Variants in ERMP1 observed in about 807,000 individuals in gnomAD.
ERMP1 encodes the protein endoplasmic reticulum metallopeptidase 1.
Under a neutral mutation model 92.0 loss-of-function variants are expected in ERMP1, and 86 were observed. That is an observed-to-expected ratio of 0.93 (90% CI 0.79 to 1.12). ERMP1 has a LOEUF of 1.12. ERMP1 is among the 50% of genes most tolerant of loss of function. The pLI is 0.00. For synonymous variants in ERMP1, 530 were observed against 412.8 expected (o/e 1.28, Z -3.44); for missense variants, 1,342 against 1,116.3 (o/e 1.20, Z -2.88).
At chr9:5,841,828 G>A (rs760498125) in intron 6 of ERMP1, among the ~76,000 whole-genome samples, 16 of 152,002 alleles carry the variant, frequency 1.1e-4, no homozygotes, top group Admixed American at 7.2e-4. Flanking sequence ...GGACCCTCGC[G>A]GTGAGTGTGA....
At chr9:5,808,077 G>C (rs1415140890) in intron 8 of ERMP1, among the ~76,000 whole-genome samples, 1 of 151,932 alleles carries the variant, frequency 6.6e-6, no homozygotes, top group East Asian at 1.9e-4. Context: ...TTCCTGCCTT[G>C]GCCTCCCAAT....
At chr9:5,823,172 C>A (rs1301578819) in intron 4 of ERMP1, among the ~76,000 whole-genome samples, 1 of 152,022 alleles carries the variant, frequency 6.6e-6, no homozygotes, top group Non-Finnish European at 1.5e-5. Flanking sequence ...GCAGTCCCAG[C>A]AACTCAGGAA....
upstream of ERMP1, among the ~76,000 whole-genome samples, chr9:5,837,708 G>C (rs149725156): frequency 1.8e-3 from 267 of 152,252 alleles, no homozygotes; most frequent in African/African-American, 6.1e-3. Context: ...ACAAAAATCG[G>C]TAAGAAAAAT....
chr9:5,854,037 G>A (rs1365217339), intron 6 of ERMP1, among the ~76,000 whole-genome samples: 1 of 151,956 alleles, frequency 6.6e-6, no homozygotes. Flanking sequence ...AGTTAGACCT[G>A]GAGCTTATAT....
chr9:5,791,300 A>G lies in ERMP1; in HGVS notation c.2387-3707T>C, dbSNP rs368515791. The G allele has an allele frequency of 1.6e-4, 71 of 456,536 alleles. 1 individual carries two copies. In the East Asian group the frequency reaches 3.2e-3, roughly 21 times the overall value. The allele number at this position is 456,536 out of a possible 1,614,324, so 28.3% of individuals were successfully genotyped here. On this transcript the variant is annotated intron_variant, in intron 13 of 14. Transcript: ENST00000339450. ...CAGGCAGGCTGAAGAAAAAAGTCAC[A>G]GTATGAGACTGAAGGCAGTCTGCTA...
chr9:5,801,045 C>A, intron 11 of ERMP1, 131 bp downstream of exon 11: 1 of 834,822 alleles, frequency 1.2e-6, no homozygotes, highest in Non-Finnish European at 1.8e-6. Flanking sequence ...CTGCCTTACA[C>A]ACAAAAAAGG....
intron 5 of ERMP1, among the ~76,000 whole-genome samples, chr9:5,863,128 G>C (rs1432348049): frequency 1.3e-5 from 2 of 152,142 alleles, no homozygotes; most frequent in East Asian, 1.9e-4. Context: ...ATAGGGAAAG[G>C]ACAAAGACCC....
chr9:5,806,811 C>T lies in ERMP1; in HGVS notation c.1549-1026G>A, dbSNP rs146446060. The stretch of plus-strand genomic sequence containing the variant: ...CACACAAACATGAAAGTTTTAATTA[C>T]GGTGCATAAATACAAAGATGGAAAT... On this transcript the variant is annotated intron_variant, in intron 8 of 14. Coordinates refer to ENST00000339450, the MANE Select transcript of ERMP1 (RefSeq NM_024896.3). Among the ~76,000 whole-genome samples the T allele has an allele frequency of 8.5e-4, 129 of 152,112 alleles. 1 individual carries two copies. Among genetic ancestry groups the T allele is most frequent in the African/African-American group, 3.0e-3 (124 of 41,496 alleles).
intron 6 of ERMP1, among the ~76,000 whole-genome samples, chr9:5,846,403 G>C (rs913913965): frequency 6.6e-6 from 1 of 152,164 alleles, no homozygotes; most frequent in African/African-American, 2.4e-5. Context: ...CTCTGAGGCT[G>C]TTTCCTCATC....
intron 5 of ERMP1, among the ~76,000 whole-genome samples, chr9:5,866,324 TC>T (rs1830660002): frequency 6.6e-6 from 1 of 152,146 alleles, no homozygotes; most frequent in Non-Finnish European, 1.5e-5. Context: ...ACCAATATTA[TC>T]CAAACAACAT....
At chr9:5,792,204 T>C (rs1828226896) in intron 13 of ERMP1, among the ~76,000 whole-genome samples, 1 of 152,168 alleles carries the variant, frequency 6.6e-6, no homozygotes, top group Non-Finnish European at 1.5e-5. Flanking sequence ...CCTAACATGC[T>C]TTGCCAAGGA....
At chr9:5,851,589 CTTA>C (rs1830307525) in intron 6 of ERMP1, among the ~76,000 whole-genome samples, 1 of 152,184 alleles carries the variant, frequency 6.6e-6, no homozygotes, top group Non-Finnish European at 1.5e-5. Context: ...AGTCAACCTG[CTTA>C]TTATAACCAT....
chr9:5,824,750 G>T (rs1006892390), intron 3 of ERMP1, among the ~76,000 whole-genome samples: 1 of 152,126 alleles, frequency 6.6e-6, no homozygotes, highest in Admixed American at 6.5e-5. Context: ...GAGAAGAGAC[G>T]ATCCATATGG....
intron 7 of ERMP1, 101 bp from the exon 8 acceptor site, chr9:5,810,332 C>A: frequency 1.3e-6 from 1 of 751,046 alleles, no homozygotes; most frequent in South Asian, 1.7e-5. Flanking sequence ...ACAAAAAACT[C>A]CCCACTGTAC....
Position 5,798,893 on chromosome 9 carries a change from T to G in ERMP1, c.2183A>C (p.Glu728Ala). Residue 728 changes from glutamate (E) to alanine (A), a missense_variant, in exon 12 of 15, where the codon GAG (glutamate) becomes GCG (alanine). By Grantham distance (107) the Glu-to-Ala change is moderately radical. Coordinates refer to ENST00000339450, the MANE Select transcript of ERMP1 (RefSeq NM_024896.3). ...GISHITPHIP[E>A]INDSIRAHCE... is the part of the protein sequence containing the mutation. ...GTGAGCTCGGATACTATCATTGATCTCAGGAATGTGAGGGGTTATGTGAGA... is the reference window on the plus strand; with the variant it reads ...GTGAGCTCGGATACTATCATTGATCGCAGGAATGTGAGGGGTTATGTGAGA... The G allele has an allele frequency of 6.2e-7, 1 of 1,613,506 alleles. No homozygotes were observed. Among genetic ancestry groups the G allele is most frequent in the Non-Finnish European group, 8.5e-7 (1 of 1,179,464 alleles).
intron 6 of ERMP1, among the ~76,000 whole-genome samples, chr9:5,852,264 T>C (rs1012474799): frequency 6.6e-6 from 1 of 151,882 alleles, no homozygotes; most frequent in African/African-American, 2.4e-5. Flanking sequence ...TTTTTTTTGT[T>C]TTTTTGTTTT....
chr9:5,831,532 T>C (rs1218684841), intron 1 of ERMP1, among the ~76,000 whole-genome samples: 2 of 152,074 alleles, frequency 1.3e-5, no homozygotes, highest in African/African-American at 4.8e-5. Flanking sequence ...TGCTTGAACC[T>C]GGGAGGTGGA....
At chr9:5,863,323 C>T (rs1830557074) in intron 5 of ERMP1, among the ~76,000 whole-genome samples, 1 of 152,234 alleles carries the variant, frequency 6.6e-6, no homozygotes, top group South Asian at 2.1e-4. Flanking sequence ...GATGCCAGAA[C>T]CTGGGATTTG....
At chr9:5,865,157 A>G (rs1326607345) in intron 5 of ERMP1, among the ~76,000 whole-genome samples, 2 of 152,228 alleles carry the variant, frequency 1.3e-5, no homozygotes, top group Admixed American at 6.5e-5. Context: ...AAATAAATGA[A>G]AAATTTATAC....
Sources: gnomAD v4.1 joint callset for allele counts (sites outside exome capture counted in the v4.1 genomes callset) on GRCh38, gnomAD v4.1.1 for gene constraint, MANE v1.5 for transcripts, NCBI Gene and HGNC (gene_info 2026-07-23, HGNC 2026-07-21) for gene names.